ZNF609: variants seen among roughly 807,000 people sequenced by gnomAD.
ZNF609 encodes the protein zinc finger protein 609.
Under a neutral mutation model 109.5 loss-of-function variants are expected in ZNF609, and 11 were observed. The observed-to-expected ratio is 0.10, with a 90% CI of 0.06 to 0.17. ZNF609 has a LOEUF of 0.17. Ranked by LOEUF, ZNF609 falls within the 10% of genes least tolerant of loss-of-function variation. The probability of loss-of-function intolerance (pLI) is 1.00; values close to 1 mark genes in which losing one functional copy is unlikely to be tolerated. For synonymous variants in ZNF609, 646 were observed against 662.0 expected (o/e 0.98, Z 0.37); for missense variants, 1,559 against 1,772.4 (o/e 0.88, Z 2.16).
chr15:64,674,231 G>A lies in ZNF609; in HGVS notation c.1377G>A (p.Gly459=), dbSNP rs141988910. ...ELNSSSEDSK[G]SKRVRTNSMG... Reference sequence around the variant, plus strand: ...ATTCTAGCTCAGAGGACTCCAAAGGGAGCAAGCGTGTCCGTACTAATTCCA... The same window carrying A: ...ATTCTAGCTCAGAGGACTCCAAAGGAAGCAAGCGTGTCCGTACTAATTCCA... The change falls in exon 5 of 10, where the codon GGG becomes GGA. Residue 459 remains glycine (G), a synonymous_variant. Coordinates refer to ENST00000326648, the MANE Select transcript of ZNF609 (RefSeq NM_015042.2). 8.9e-5 allele frequency: 143 copies of A among 1,614,044 alleles called. No homozygotes were observed. Among genetic ancestry groups the A allele is most frequent in the Non-Finnish European group, 1.1e-4 (130 of 1,180,042 alleles).
intron 2 of ZNF609, among the ~76,000 whole-genome samples, chr15:64,604,810 T>TATTAATTA (rs1895567766): frequency 1.3e-5 from 2 of 152,152 alleles, no homozygotes; most frequent in African/African-American, 4.8e-5. Flanking sequence ...TAATTTAATT[T>TATTAATTA]ATTTAGTTAT....
At chr15:64,488,682 G>T (rs898499483) in intron 1 of ZNF609, among the ~76,000 whole-genome samples, 1 of 152,148 alleles carries the variant, frequency 6.6e-6, no homozygotes. Flanking sequence ...ATAGATCTGG[G>T]AAGGGAGAGA....
At chr15:64,553,125 C>T (rs773580749) in intron 2 of ZNF609, among the ~76,000 whole-genome samples, 2 of 152,156 alleles carry the variant, frequency 1.3e-5, no homozygotes, top group Non-Finnish European at 2.9e-5. Flanking sequence ...TCTTAGTTGG[C>T]ATTACTACAT....
intron 1 of ZNF609, among the ~76,000 whole-genome samples, chr15:64,480,952 A>G (rs927063987): frequency 1.3e-5 from 2 of 152,214 alleles, no homozygotes; most frequent in African/African-American, 2.4e-5. Flanking sequence ...TTTAGAACAT[A>G]CAAAGCAAAT....
At chr15:64,508,684 ATTTTTTT>A (rs1160116983) in intron 2 of ZNF609, among the ~76,000 whole-genome samples, 1 of 130,536 alleles carries the variant, frequency 7.7e-6, no homozygotes, top group Non-Finnish European at 1.6e-5. Flanking sequence ...GACCCAGAAA[ATTTTTTT>A]TTTTTTTTTT....
chr15:64,580,825 G>A (rs544715388), intron 2 of ZNF609, among the ~76,000 whole-genome samples: 9 of 151,864 alleles, frequency 5.9e-5, no homozygotes, highest in Admixed American at 3.3e-4. Flanking sequence ...GAGCCACCAC[G>A]CCCAGCCTCT....
intron 2 of ZNF609, among the ~76,000 whole-genome samples, chr15:64,511,296 A>G (rs1293692410): frequency 6.6e-6 from 1 of 151,816 alleles, no homozygotes; most frequent in Non-Finnish European, 1.5e-5. Flanking sequence ...ACATGGTGAA[A>G]CTCTATCACT....
rs1007180877 is a variant in ZNF609, at chr15:64,519,785, A to G, written c.747+19619A>G. Among the ~76,000 whole-genome samples, 13 of 152,316 alleles carry G rather than the reference A, an allele frequency of 8.5e-5. 1 individual carries two copies. In the South Asian group the frequency reaches 2.3e-3, roughly 27 times the overall value. ...CTTCTAATAGTATTAAAGTGAAAGC[A>G]TAGATATTGTAATCAGGCCTATGTT... On this transcript the variant is annotated intron_variant, in intron 2 of 9. Transcript: ENST00000326648.
chr15:64,614,870 G>A (rs1300836393), intron 2 of ZNF609, among the ~76,000 whole-genome samples: 1 of 141,000 alleles, frequency 7.1e-6, no homozygotes, highest in Non-Finnish European at 1.5e-5. Context: ...CCAGGTTGGA[G>A]TGCAGGGGCA....
At chr15:64,540,142 C>A (rs1294205655) in intron 2 of ZNF609, among the ~76,000 whole-genome samples, 2 of 152,176 alleles carry the variant, frequency 1.3e-5, no homozygotes, top group Admixed American at 6.5e-5. Flanking sequence ...TGTTAGGATT[C>A]TTTTCTCCCA....
intron 1 of ZNF609, among the ~76,000 whole-genome samples, chr15:64,477,635 T>C (rs946665026): frequency 1.3e-5 from 2 of 151,168 alleles, no homozygotes; most frequent in African/African-American, 4.9e-5. Context: ...TTTTTTTTTT[T>C]TTCTTTTTTT....
At chr15:64,629,745 T>C (rs1440645455) in intron 3 of ZNF609, among the ~76,000 whole-genome samples, 1 of 152,196 alleles carries the variant, frequency 6.6e-6, no homozygotes, top group East Asian at 1.9e-4. Context: ...TAGGGGCTCT[T>C]ACTAAGGGAA....
chr15:64,529,084 C>A, intron 2 of ZNF609: 3 of 1,018,766 alleles, frequency 2.9e-6, no homozygotes, highest in Non-Finnish European at 4.6e-6. Context: ...GCAGCCATCA[C>A]GTGACAGTTT....
chr15:64,609,084 C>CT (rs1213261017), intron 2 of ZNF609, among the ~76,000 whole-genome samples: 1 of 32,728 alleles, frequency 3.1e-5, no homozygotes, highest in East Asian at 1.6e-3. Flanking sequence ...TTCTTTCTTT[C>CT]TTTCTTTCTT....
intron 3 of ZNF609, among the ~76,000 whole-genome samples, chr15:64,635,310 C>G (rs991320539): frequency 6.6e-6 from 1 of 152,184 alleles, no homozygotes; most frequent in Admixed American, 6.5e-5. Flanking sequence ...TGAGTGATAC[C>G]TAGGCAATAA....
chr15:64,550,542 TAAAAA>T (rs1158047831), intron 2 of ZNF609, among the ~76,000 whole-genome samples: 2 of 143,906 alleles, frequency 1.4e-5, no homozygotes, highest in South Asian at 2.2e-4. Flanking sequence ...AATAAATAAT[TAAAAA>T]AAAAAAGAGG....
rs1896778327 is a variant in ZNF609, at chr15:64,674,352, C to T, written c.1498C>T (p.Pro500Ser). The T allele has an allele frequency of 1.2e-6, 2 of 1,614,012 alleles. No homozygotes were observed. Among genetic ancestry groups the T allele is most frequent in the African/African-American group, 1.3e-5 (1 of 74,904 alleles). The change falls in exon 5 of 10, where the codon CCA becomes TCA. Residue 500 changes from proline (P) to serine (S), a missense_variant. By Grantham distance (74) the Pro-to-Ser change is moderately conservative (BLOSUM62 -1). This residue lies in a region of ZNF609 where 1,204 missense variants were observed against 1,314.1 expected (regional missense o/e 0.92). Transcript: ENST00000326648. ...CCCCGTCCTAATTGACTGTCCCCACCCAAACTGCAACAAGAAGTACAAGCA... is the reference window on the plus strand; with the variant it reads ...CCCCGTCCTAATTGACTGTCCCCACTCAAACTGCAACAAGAAGTACAAGCA... Reference protein sequence around the residue: ...PSPVLIDCPHPNCNKKYKHIN... With the variant: ...PSPVLIDCPHSNCNKKYKHIN...
At chr15:64,559,528 A>G (rs771936523) in intron 2 of ZNF609, among the ~76,000 whole-genome samples, 2 of 152,214 alleles carry the variant, frequency 1.3e-5, no homozygotes, top group African/African-American at 2.4e-5. Flanking sequence ...CAATTCTAAC[A>G]TTTATTTATC....
At chr15:64,475,557 T>C (rs1401635694) in intron 1 of ZNF609, among the ~76,000 whole-genome samples, 1 of 151,692 alleles carries the variant, frequency 6.6e-6, no homozygotes, top group African/African-American at 2.4e-5. Context: ...CCTGGCTAAT[T>C]TTTGTATTTT....
Sources: allele counts gnomAD v4.1 joint callset (sites outside exome capture counted in the v4.1 genomes callset), GRCh38; gene constraint gnomAD v4.1.1; regional missense constraint gnomAD v4.1.1; transcripts MANE v1.5; gene names NCBI Gene and HGNC (gene_info 2026-07-23, HGNC 2026-07-21).